P2RX5: variants seen among roughly 807,000 people sequenced by gnomAD.
P2RX5 encodes the protein purinergic receptor P2X 5.
Under a neutral mutation model 54.1 loss-of-function variants are expected in P2RX5, and 46 were observed. That is an observed-to-expected ratio of 0.85 (90% CI 0.67 to 1.09). The LOEUF (loss-of-function observed/expected upper bound fraction) is 1.09, where lower values mean the gene tolerates loss of function less well. Among genes scored for constraint, P2RX5 ranks in the 50% least tolerant of loss-of-function variants. P2RX5 has a pLI of 0.00. For missense variants in P2RX5, 566 were observed against 549.8 expected, an observed-to-expected ratio of 1.03 and a Z score of -0.29; for synonymous variants, 226 against 226.4, an observed-to-expected ratio of 1.00 and a Z score of 0.02.
intron 9 of P2RX5, chr17:3,682,208 A>C (rs2050303896): frequency 1.7e-6 from 1 of 573,694 alleles, no homozygotes; most frequent in African/African-American, 1.9e-5. Context: ...CAGGCCAGGC[A>C]CTCCCCGACC....
upstream of P2RX5, among the ~76,000 whole-genome samples, chr17:3,698,189 G>A (rs2050792611): frequency 6.6e-6 from 1 of 151,978 alleles, no homozygotes; most frequent in African/African-American, 2.4e-5. Context: ...GCTCACTAAA[G>A]CAGCCGCCAC....
At chr17:3,723,430 G>T in the P2RX5 span, 2 of 1,400,298 alleles carry the variant, frequency 1.4e-6, no homozygotes, top group Non-Finnish European at 2.0e-6. Context: ...CGTGCGGAAA[G>T]TCTGAAATCT....
At position 3,696,129 on chromosome 17, in the gene P2RX5, C is replaced by T; in HGVS notation, c.-124G>A. 9.6e-7 allele frequency: 1 copy of T among 1,041,416 alleles called. No homozygotes were observed. Among genetic ancestry groups the T allele is most frequent in the Non-Finnish European group, 1.3e-6 (1 of 785,086 alleles). The allele number at this position is 1,041,416 out of a possible 1,614,324, so 64.5% of individuals were successfully genotyped here. On this transcript the variant is annotated 5_prime_UTR_variant, in exon 1 of 12. Coordinates refer to ENST00000225328, the MANE Select transcript of P2RX5 (RefSeq NM_002561.4). ...CCGTCTGCGCCCGCTCAGCTGCAGC[C>T]CGGGGTGTCCGGCAGGGCTGCGGGG...
intron 10 of P2RX5, among the ~76,000 whole-genome samples, chr17:3,680,145 GAGTCCTC>G (rs1567730132): frequency 6.8e-5 from 8 of 117,152 alleles, no homozygotes; most frequent in African/African-American, 1.8e-4. Flanking sequence ...CCTCCACCCT[GAGTCCTC>G]CATCCGGTGT....
chr17:3,691,569 G>A, intron 2 of P2RX5, 75 bp downstream of exon 2: 18 of 1,580,570 alleles, frequency 1.1e-5, no homozygotes, highest in Non-Finnish European at 1.6e-5. Context: ...GCGTATCCAA[G>A]AAGCTTCCCG....
the P2RX5 span, among the ~76,000 whole-genome samples, chr17:3,705,582 C>T: frequency 7.2e-5 from 11 of 152,232 alleles, no homozygotes; most frequent in South Asian, 1.9e-3. Flanking sequence ...CTTTCTCCCT[C>T]GCTGTCACAG....
At chr17:3,711,370 C>CTTTTTTTT in the P2RX5 span, among the ~76,000 whole-genome samples, 361 of 63,090 alleles carry the variant, frequency 5.7e-3, 87 homozygotes, top group African/African-American at 0.024. Context: ...AGCACTCATT[C>CTTTTTTTT]TTTTTTTTTT....
Position 3,681,964 on chromosome 17 carries a change from G to A in P2RX5, c.996C>T (p.Cys332=), listed in dbSNP as rs761694877. The A allele has an allele frequency of 1.7e-5, 28 of 1,611,958 alleles. No individual in the cohort carries two copies. Among genetic ancestry groups the A allele is most frequent in the African/African-American group, 4.0e-5 (3 of 74,898 alleles). The change falls in exon 10 of 12, where the codon TGC becomes TGT. Residue 332 remains cysteine, a synonymous_variant. Coordinates refer to ENST00000225328, the MANE Select transcript of P2RX5 (RefSeq NM_002561.4). ...VMVNGKGAFF[C]DLVLIYLIKK... ...TGATGAGGTAGATGAGTACCAGGTC[G>A]CAGAAGAAAGCACCCTGCAAAACAG...
chr17:3,723,710 G>A, the P2RX5 span: 3 of 1,603,800 alleles, frequency 1.9e-6, no homozygotes, highest in Admixed American at 3.4e-5. Flanking sequence ...GTACGCACAA[G>A]CGCGCTCCTG....
At chr17:3,697,942 G>A (rs562238592), upstream of P2RX5, among the ~76,000 whole-genome samples, 21 of 152,248 alleles carry the variant, frequency 1.4e-4, no homozygotes, top group South Asian at 4.2e-4. Context: ...AGAAGCTCCC[G>A]GAGAGCAGGG....
chr17:3,711,185 T>C, the P2RX5 span, among the ~76,000 whole-genome samples: 7 of 152,082 alleles, frequency 4.6e-5, no homozygotes, highest in Non-Finnish European at 8.8e-5. Context: ...CTGTTCTCCT[T>C]TGCCCTGGTA....
At chr17:3,691,895 T>G in intron 1 of P2RX5, 101 bp from the exon 2 acceptor site, 2 of 1,244,520 alleles carry the variant, frequency 1.6e-6, no homozygotes, top group South Asian at 2.4e-5. Flanking sequence ...AACTCCTAGT[T>G]GAGGTGGAGC....
intron 11 of P2RX5, among the ~76,000 whole-genome samples, chr17:3,678,532 C>A (rs1282137777): frequency 6.6e-6 from 1 of 152,206 alleles, no homozygotes; most frequent in Non-Finnish European, 1.5e-5. Context: ...GGCTCTGGGT[C>A]TACCCCATAC....
the P2RX5 span, among the ~76,000 whole-genome samples, chr17:3,711,119 A>G: frequency 5.3e-5 from 8 of 152,266 alleles, no homozygotes; most frequent in East Asian, 1.5e-3. Flanking sequence ...AAGGCCTAGC[A>G]CCTAAAAGGC....
intron 10 of P2RX5, among the ~76,000 whole-genome samples, chr17:3,680,389 T>A: frequency 7.2e-6 from 1 of 138,130 alleles, no homozygotes; most frequent in Admixed American, 7.1e-5. Context: ...CCCTGCATCC[T>A]CCACCCTGCA....
chr17:3,677,074 A>G, intron 11 of P2RX5: 1 of 984,972 alleles, frequency 1.0e-6, no homozygotes, highest in Non-Finnish European at 1.2e-6. Context: ...AAAAATAAAT[A>G]AATAAAAAGC....
chr17:3,675,271 C>T, intron 11 of P2RX5: 6 of 741,854 alleles, frequency 8.1e-6, no homozygotes, highest in Non-Finnish European at 9.9e-6. Context: ...AACTCCTGAA[C>T]TCAGGCAATC....
In P2RX5 at chr17:3,688,679, A is replaced by G. The variant is rs2050517502; in HGVS notation, c.834T>C (p.Phe278=). The change falls in exon 8 of 12, where the codon TTT becomes TTC. Residue 278 remains phenylalanine, a synonymous_variant. Coordinates refer to ENST00000225328, the MANE Select transcript of P2RX5 (RefSeq NM_002561.4). ...TTGAAAGTTTATTGTCCAGACGGCT[A>G]AAAGAATAGTGAGGGTGGCACTCAG... ...AASECHPHYS[F]SRLDNKLSKS... The G allele has an allele frequency of 6.2e-7, 1 of 1,613,956 alleles. No individual in the cohort carries two copies.
At chr17:3,708,001 T>A in the P2RX5 span, among the ~76,000 whole-genome samples, 1 of 136,466 alleles carries the variant, frequency 7.3e-6, no homozygotes, top group African/African-American at 2.8e-5. Context: ...GAACTTGCAG[T>A]GAGCCGAGAT....
Sources: gnomAD v4.1 joint callset for allele counts (sites outside exome capture counted in the v4.1 genomes callset) on GRCh38, gnomAD v4.1.1 for gene constraint, MANE v1.5 for transcripts, NCBI Gene and HGNC (gene_info 2026-07-23, HGNC 2026-07-21) for gene names.